The following SCRIB variants were observed in gnomAD, a reference collection of about 807,000 sequenced individuals.
SCRIB encodes the protein scribble planar cell polarity protein.
Under a neutral mutation model 170.0 loss-of-function variants are expected in SCRIB, and 72 were observed. That is an observed-to-expected ratio of 0.42 (90% CI 0.35 to 0.52). The LOEUF is 0.52. Among genes scored for constraint, SCRIB ranks in the 20% least tolerant of loss-of-function variants. The pLI, the probability that SCRIB is intolerant of heterozygous loss-of-function variation, is 0.02. For missense variants in SCRIB, 2,475 were observed against 2,338.5 expected (o/e 1.06, Z -1.20); for synonymous variants, 1,298 against 1,044.3 (o/e 1.24, Z -4.68).
chr8:143,806,183 C>T (rs918202632), intron 18 of SCRIB, among the ~76,000 whole-genome samples: 6 of 152,290 alleles, frequency 3.9e-5, no homozygotes, highest in South Asian at 2.1e-4. Flanking sequence ...GCAATCAGGG[C>T]GCTGGATGGG....
At position 143,793,724 on chromosome 8, in the gene SCRIB, C is replaced by T. The variant is rs145024186; in HGVS notation, c.3909+176G>A. The T allele has an allele frequency of 1.7e-3, 1,021 of 592,414 alleles. 13 individuals are homozygous for T. Among genetic ancestry groups the T allele is most frequent in the African/African-American group, 0.017 (894 of 53,842 alleles). The allele number at this position is 592,414 out of a possible 1,614,324, so 36.7% of individuals were successfully genotyped here. On this transcript the variant is annotated intron_variant, in intron 28 of 36. Transcript: ENST00000356994. ...CGCCAGGCAGCTCTGGCCAGGAAAG[C>T]GTCCCTGGCCTTCCTCACACAGGAG...
intron 24 of SCRIB, among the ~76,000 whole-genome samples, chr8:143,798,212 T>C (rs181824376): frequency 1.2e-4 from 18 of 151,958 alleles, no homozygotes; most frequent in Non-Finnish European, 1.9e-4. Flanking sequence ...GCTGAGATCG[T>C]GCCACTGCAC....
chr8:143,797,844 C>T (rs1039609935), intron 24 of SCRIB, among the ~76,000 whole-genome samples: 4 of 152,258 alleles, frequency 2.6e-5, no homozygotes, highest in Non-Finnish European at 4.4e-5. Flanking sequence ...CGCCCTTCCA[C>T]GACGGAGCAC....
intron 13 of SCRIB, 152 bp from the exon 14 acceptor site, chr8:143,809,870 T>G: frequency 1.2e-6 from 1 of 861,886 alleles, no homozygotes; most frequent in Non-Finnish European, 1.8e-6. Context: ...CTGCTCCCTG[T>G]CCCAGCCTGC....
At chr8:143,807,505 CA>C (rs1815481827) in intron 16 of SCRIB, 46 bp downstream of exon 16, 1 of 1,508,948 alleles carries the variant, frequency 6.6e-7, no homozygotes. Flanking sequence ...GCCCGGGAAG[CA>C]AGGCCAGCAG....
At chr8:143,809,230 C>T (rs1468803132) in intron 14 of SCRIB, among the ~76,000 whole-genome samples, 4 of 152,138 alleles carry the variant, frequency 2.6e-5, no homozygotes, top group African/African-American at 9.7e-5. Flanking sequence ...ACGCAGCGCC[C>T]CAGGTGGAAA....
intron 34 of SCRIB, 51 bp downstream of exon 34, chr8:143,791,825 C>A (rs560105431): frequency 8.0e-6 from 12 of 1,506,132 alleles, no homozygotes; most frequent in Admixed American, 2.1e-5. Context: ...AGGCCAGACC[C>A]CACCCCCATG....
chr8:143,795,593 G>C (rs1458723279), intron 24 of SCRIB, 63 bp from the exon 25 acceptor site: 1 of 1,383,206 alleles, frequency 7.2e-7, no homozygotes, highest in Non-Finnish European at 1.0e-6. Context: ...CTCTGGGGCA[G>C]GCTGGGGTCC....
chr8:143,810,722 A>C lies in SCRIB; in HGVS notation c.1368T>G (p.Gly456=). The C allele has an allele frequency of 6.2e-7, 1 of 1,606,254 alleles. No homozygotes were observed. Among genetic ancestry groups the C allele is most frequent in the Non-Finnish European group, 8.5e-7 (1 of 1,175,542 alleles). ...SVIQFLEAPI[G]DEDAEEAAAE... Reference sequence around the variant, plus strand: ...CTGCAGCTTCCTCAGCGTCCTCATCACCTATGGGGGCCTCCAGGAACTGGA... The same window carrying C: ...CTGCAGCTTCCTCAGCGTCCTCATCCCCTATGGGGGCCTCCAGGAACTGGA... Residue 456 remains glycine, a synonymous_variant, in exon 12 of 37, where the codon GGT becomes GGG. Coordinates refer to ENST00000356994, the MANE Select transcript of SCRIB (RefSeq NM_182706.5).
chr8:143,792,173 C>T, intron 32 of SCRIB, 40 bp from the exon 33 acceptor site: 1 of 1,557,118 alleles, frequency 6.4e-7, no homozygotes, highest in East Asian at 2.3e-5. Context: ...GGGGCAGGAG[C>T]AGGGACAGGC....
chr8:143,793,839 G>A, intron 28 of SCRIB, 61 bp downstream of exon 28: 1 of 1,542,648 alleles, frequency 6.5e-7, no homozygotes, highest in South Asian at 1.1e-5. Context: ...CCTGTGCACA[G>A]CGGCCATCTG....
rs1323520891 is a variant in SCRIB, at chr8:143,799,645, C to T, written c.3603+3738G>A. 2.6e-5 allele frequency among the ~76,000 whole-genome samples: 4 copies of T among 152,180 alleles called. No individual in the cohort carries two copies. The South Asian group carries it at 6.2e-4, about 24-fold the overall frequency. On this transcript the variant is annotated intron_variant, in intron 24 of 36. Coordinates refer to ENST00000356994, the MANE Select transcript of SCRIB (RefSeq NM_182706.5). ...AATCCTCTCGACCCCGAGAAGCAGG[C>T]ACTGCGGGTGACCCATTGTACAGAC...
At position 143,792,292 on chromosome 8, in the gene SCRIB, G is replaced by A. The variant is rs1554632985; in HGVS notation, c.4442C>T (p.Pro1481Leu). 6.4e-7 allele frequency: 1 copy of A among 1,562,926 alleles called. No individual in the cohort carries two copies. The highest frequency in any genetic ancestry group is 1.8e-5 in the Admixed American group (1 of 54,714). ...LRVQSPEPPA[P>L]ERALSPAELR... ...CTCGGCAGGGGACAGGGCACGCTCG[G>A]GTGCCGGTGGCTCCGGACTCTGCAC... Residue 1481 changes from proline to leucine, a missense_variant, in exon 32 of 37, where the codon CCC becomes CTC. Pro to Leu is a moderately conservative substitution (Grantham distance 98). Coordinates refer to ENST00000356994, the MANE Select transcript of SCRIB (RefSeq NM_182706.5).
chr8:143,791,509 G>C lies in SCRIB; in HGVS notation c.4771-69C>G. The stretch of plus-strand genomic sequence containing the variant: ...CCAAACCACCCAGGTGGACGGGTGG[G>C]CTCCCAGCCCTGAGGCCCACAGAGC... On this transcript the variant is annotated intron_variant, in intron 35 of 36. Transcript: ENST00000356994. 4 of 1,593,840 alleles carry C rather than the reference G, an allele frequency of 2.5e-6. No homozygotes were observed. The South Asian group carries it at 4.5e-5, about 18-fold the overall frequency.
intron 28 of SCRIB, chr8:143,793,361 C>A: frequency 3.4e-6 from 1 of 298,000 alleles, no homozygotes; most frequent in South Asian, 1.2e-4. Flanking sequence ...CAGGTGGGGG[C>A]GGCGGGGGCA....
At chr8:143,808,280 G>A (rs1401823369) in intron 15 of SCRIB, among the ~76,000 whole-genome samples, 8 of 148,022 alleles carry the variant, frequency 5.4e-5, no homozygotes, top group African/African-American at 1.7e-4. Context: ...CAGCAGAGCT[G>A]CCTCTGGCAC....
rs112611047 is a variant in SCRIB at position 143,815,476 on chromosome 8, G to A, written c.-104C>T. ...GCGCCGCGCATGGGGAGGGGGCGCA[G>A]GCAGGGGGCGGGCCGCCCGAGACTG... On this transcript the variant is annotated 5_prime_UTR_variant, in exon 1 of 37. Coordinates refer to ENST00000356994, the MANE Select transcript of SCRIB (RefSeq NM_182706.5). 9.7e-7 allele frequency: 1 copy of A among 1,031,870 alleles called. No individual in the cohort carries two copies. Among genetic ancestry groups the A allele is most frequent in the Non-Finnish European group, 1.2e-6 (1 of 861,364 alleles). The allele number at this position is 1,031,870 out of a possible 1,614,324, so 63.9% of individuals were successfully genotyped here. A position where few individuals can be genotyped will look rare whatever the true frequency, so the allele number is the denominator to read the frequency against.
At chr8:143,794,208 C>T in intron 27 of SCRIB, 2 of 519,886 alleles carry the variant, frequency 3.8e-6, no homozygotes, top group Admixed American at 6.3e-5. Flanking sequence ...TGGAGCTTTG[C>T]AGGAGAGATG....
In SCRIB at chr8:143,815,731, A is replaced by G; in HGVS notation, c.-359T>C. The G allele has an allele frequency of 4.1e-6, 4 of 983,404 alleles. No homozygotes were observed. Among genetic ancestry groups the G allele is most frequent in the Non-Finnish European group, 4.8e-6 (4 of 829,330 alleles). 60.9% of individuals were successfully genotyped at this position (983,404 alleles called of 1,614,324 possible). A position where few individuals can be genotyped will look rare whatever the true frequency, so the allele number is the denominator to read the frequency against. ...CGCTGCCCGCCGGACTGCCCCGCCG[A>G]CACCCACCCGGCCGCCGCGCAGCCC... On this transcript the variant is annotated 5_prime_UTR_variant, in exon 1 of 37. Transcript: ENST00000356994.
Sources: allele counts gnomAD v4.1 joint callset (sites outside exome capture counted in the v4.1 genomes callset), GRCh38; gene constraint gnomAD v4.1.1; transcripts MANE v1.5; gene names NCBI Gene and HGNC (gene_info 2026-07-23, HGNC 2026-07-21).